Variants in HS2ST1 observed in about 807,000 individuals in gnomAD.
HS2ST1 encodes the protein heparan sulfate 2-O-sulfotransferase 1.
HS2ST1 carries 18 observed loss-of-function variants against 42.9 expected under a neutral mutation model. The ratio of observed to expected loss-of-function variants is 0.42; its 90% CI spans 0.29 to 0.62. The LOEUF (loss-of-function observed/expected upper bound fraction) is 0.62. Ranked by LOEUF, HS2ST1 falls within the 20% of genes least tolerant of loss-of-function variation. The pLI is 0.21. For synonymous variants in HS2ST1, 146 were observed against 152.9 expected, an observed-to-expected ratio of 0.95 and a Z score of 0.33; for missense variants, 334 against 433.8, an observed-to-expected ratio of 0.77 and a Z score of 2.04.
intron 4 of HS2ST1, among the ~76,000 whole-genome samples, chr1:87,096,988 A>G (rs2100653450): frequency 6.6e-6 from 1 of 152,376 alleles, no homozygotes; most frequent in South Asian, 2.1e-4. Flanking sequence ...TGGCAAATCT[A>G]AGACCATCTA....
chr1:86,990,832 ATATATTTTT>A (rs1304303068), intron 1 of HS2ST1, among the ~76,000 whole-genome samples: 1 of 17,808 alleles, frequency 5.6e-5, no homozygotes, highest in Admixed American at 1.1e-3. Context: ...ATATATATAT[ATATATTTTT>A]TTTTTTTTTT....
chr1:86,939,674 C>T (rs1660724514), intron 1 of HS2ST1, among the ~76,000 whole-genome samples: 1 of 152,150 alleles, frequency 6.6e-6, no homozygotes, highest in Non-Finnish European at 1.5e-5. Flanking sequence ...CCTATGTGCA[C>T]TAAGGTTAAG....
rs534048854 is a variant in HS2ST1 at position 87,066,218 on chromosome 1, A to G, written c.125-6716A>G. 2.6e-4 allele frequency among the ~76,000 whole-genome samples: 40 copies of G among 152,344 alleles called. 1 individual carries two copies. Among genetic ancestry groups the G allele is most frequent in the Middle Eastern group, 6.8e-3 (2 of 294 alleles). ...TTACTGTTACCTTTTAAAAGAATTG[A>G]GTTTGTTGCTAATCTGACACGTGGA... On this transcript the variant is annotated intron_variant, in intron 1 of 6. Coordinates refer to ENST00000370550, the MANE Select transcript of HS2ST1 (RefSeq NM_012262.4).
At position 87,001,018 on chromosome 1, in the gene HS2ST1, G is replaced by A. The variant is rs188658637; in HGVS notation, c.125-71916G>A. Among the ~76,000 whole-genome samples the A allele has an allele frequency of 1.4e-4, 21 of 152,294 alleles. No individual in the cohort carries two copies. The East Asian group carries it at 2.7e-3, about 20-fold the overall frequency. Reference sequence around the variant, plus strand: ...CAGGTATCCAGAAGCTTCATCTTAAGTATAATGGAAGAAAGCTTTTGTTTT... The same window carrying A: ...CAGGTATCCAGAAGCTTCATCTTAAATATAATGGAAGAAAGCTTTTGTTTT... On this transcript the variant is annotated intron_variant, in intron 1 of 6. Transcript: ENST00000370550.
chr1:87,059,202 A>G (rs934045771), intron 1 of HS2ST1, among the ~76,000 whole-genome samples: 3 of 152,230 alleles, frequency 2.0e-5, no homozygotes, highest in Non-Finnish European at 4.4e-5. Flanking sequence ...GCTGCTTCAC[A>G]TTACTGTTAA....
At chr1:86,983,035 A>T (rs1936279) in intron 1 of HS2ST1, among the ~76,000 whole-genome samples, 137,725 of 152,206 alleles carry the variant, frequency 0.9, 62,574 homozygotes, top group East Asian at 0.99. Context: ...TCCATATCAC[A>T]ATCAGCCTTT....
At chr1:87,038,101 T>A (rs1483294249) in intron 1 of HS2ST1, among the ~76,000 whole-genome samples, 3 of 152,066 alleles carry the variant, frequency 2.0e-5, no homozygotes, top group African/African-American at 7.2e-5. Flanking sequence ...ATATTATAGT[T>A]TTTAAAACTT....
chr1:86,932,020 C>T (rs952218057), intron 1 of HS2ST1, among the ~76,000 whole-genome samples: 5 of 151,964 alleles, frequency 3.3e-5, no homozygotes, highest in Non-Finnish European at 7.4e-5. Context: ...ATGATCCTCC[C>T]ATCTTAGCCT....
intron 1 of HS2ST1, among the ~76,000 whole-genome samples, chr1:87,025,638 C>T (rs762636999): frequency 3.3e-5 from 5 of 152,044 alleles, no homozygotes; most frequent in African/African-American, 7.2e-5. Context: ...AAGGAATTTG[C>T]GTGTACATAT....
intron 1 of HS2ST1, among the ~76,000 whole-genome samples, chr1:87,012,133 G>A (rs1188064130): frequency 3.9e-5 from 6 of 151,942 alleles, no homozygotes; most frequent in Admixed American, 2.6e-4. Flanking sequence ...TTCATTTTAC[G>A]GTTACTTCCC....
intron 5 of HS2ST1, among the ~76,000 whole-genome samples, chr1:87,100,350 T>C (rs933949940): frequency 5.3e-5 from 8 of 152,126 alleles, no homozygotes; most frequent in African/African-American, 1.9e-4. Context: ...CTGGACTCCT[T>C]TGAGCTGAGG....
intron 1 of HS2ST1, among the ~76,000 whole-genome samples, chr1:87,043,615 C>G (rs1361171237): frequency 6.6e-6 from 1 of 152,018 alleles, no homozygotes; most frequent in Non-Finnish European, 1.5e-5. Flanking sequence ...GTCTTATATT[C>G]TATGTATGTC....
In HS2ST1 at chr1:86,981,268, A is replaced by G. The variant is rs1570461726; in HGVS notation, c.124+66108A>G. Among the ~76,000 whole-genome samples, 3 of 152,120 alleles carry G rather than the reference A, an allele frequency of 2.0e-5. No homozygotes were observed. The East Asian group carries it at 5.8e-4, about 29-fold the overall frequency. ...CATGGGAATTACAATTTGAGATGAGATTTGGGTTGGGATGCAAAGCCAAAC... is the reference window on the plus strand; with the variant it reads ...CATGGGAATTACAATTTGAGATGAGGTTTGGGTTGGGATGCAAAGCCAAAC... On this transcript the variant is annotated intron_variant, in intron 1 of 6. Transcript: ENST00000370550.
intron 1 of HS2ST1, among the ~76,000 whole-genome samples, chr1:86,920,500 G>A (rs1054328224): frequency 9.0e-5 from 12 of 133,600 alleles, no homozygotes; most frequent in Non-Finnish European, 1.4e-4. Context: ...TTGGTAATTG[G>A]TGCCTCACTT....
At chr1:87,002,618 AAAAAAG>A (rs1570476330) in intron 1 of HS2ST1, among the ~76,000 whole-genome samples, 2 of 151,800 alleles carry the variant, frequency 1.3e-5, no homozygotes, top group East Asian at 1.9e-4. Flanking sequence ...TCAAAAAAAA[AAAAAAG>A]AAAAAGAAAA....
In HS2ST1 at chr1:87,068,116, G is replaced by A. The variant is rs1651301143; in HGVS notation, c.125-4818G>A. Among the ~76,000 whole-genome samples the A allele has an allele frequency of 2.6e-5, 4 of 152,258 alleles. No individual in the cohort carries two copies. In the South Asian group the frequency reaches 8.3e-4, roughly 32 times the overall value. On this transcript the variant is annotated intron_variant, in intron 1 of 6. Coordinates refer to ENST00000370550, the MANE Select transcript of HS2ST1 (RefSeq NM_012262.4). Reference sequence around the variant, plus strand: ...AATTCTGTGAAGAAAGTCAGTGGTAGCTTGATGGGGATAGCATTGAATCTA... The same window carrying A: ...AATTCTGTGAAGAAAGTCAGTGGTAACTTGATGGGGATAGCATTGAATCTA...
intron 1 of HS2ST1, among the ~76,000 whole-genome samples, chr1:86,973,575 G>C (rs1479014533): frequency 6.6e-6 from 1 of 152,142 alleles, no homozygotes; most frequent in Non-Finnish European, 1.5e-5. Flanking sequence ...GGCAAAACTA[G>C]TCTACAATGC....
chr1:87,101,149 G>GTGTTTTT (rs1557546421), intron 5 of HS2ST1, among the ~76,000 whole-genome samples: 7 of 59,540 alleles, frequency 1.2e-4, no homozygotes, highest in East Asian at 6.0e-4. Context: ...GTGTGTGTGT[G>GTGTTTTT]TTTTTTGTTT....
chr1:86,932,453 A>G (rs990240984), intron 1 of HS2ST1: 6 of 152,200 alleles, frequency 3.9e-5, no homozygotes, highest in Non-Finnish European at 8.8e-5. Context: ...TTATAGGCAA[A>G]GCAACAGCAG....
Sources: allele counts gnomAD v4.1 joint callset (sites outside exome capture counted in the v4.1 genomes callset), GRCh38; gene constraint gnomAD v4.1.1; transcripts MANE v1.5; gene names NCBI Gene and HGNC (gene_info 2026-07-23, HGNC 2026-07-21).